MAP3K13: variants seen among roughly 807,000 people sequenced by gnomAD.
MAP3K13 encodes mitogen-activated protein kinase kinase kinase 13.
A neutral mutation model predicts 104.0 loss-of-function variants in MAP3K13; 52 were observed. That is an observed-to-expected ratio of 0.50 (90% CI 0.40 to 0.63). The LOEUF (loss-of-function observed/expected upper bound fraction) is 0.63, where lower values mean the gene tolerates loss of function less well. MAP3K13 is among the 20% of genes least tolerant of loss of function. The pLI is 0.00. For synonymous variants in MAP3K13, 394 were observed against 442.2 expected (o/e 0.89, Z 1.37); for missense variants, 914 against 1,218.5 (o/e 0.75, Z 3.72).
intron 2 of MAP3K13, among the ~76,000 whole-genome samples, chr3:185,313,781 A>G (rs1173671214): frequency 6.6e-6 from 1 of 151,752 alleles, no homozygotes; most frequent in African/African-American, 2.4e-5. Context: ...ATGATAGATT[A>G]GAATTGGGAA....
rs958156241 is a variant in MAP3K13 at position 185,482,296 on chromosome 3, T to C, written c.2800-59T>C. The C allele has an allele frequency of 4.8e-6, 6 of 1,244,256 alleles. No individual in the cohort carries two copies. The African/African-American group carries it at 5.9e-5, about 12-fold the overall frequency. 77.1% of individuals were successfully genotyped at this position (1,244,256 alleles called of 1,614,324 possible). On this transcript the variant is annotated intron_variant, in intron 13 of 13. Coordinates refer to ENST00000265026, the MANE Select transcript of MAP3K13 (RefSeq NM_004721.5). This position sits in a 1 kb window ranked among gnomAD's most constrained non-coding sequence, Gnocchi z 4.5. Reference sequence around the variant, plus strand: ...CAGTGCCTGTTGTGTGGGAGGTGTTTGACATATATTTACTGAGTGATTATC... The same window carrying C: ...CAGTGCCTGTTGTGTGGGAGGTGTTCGACATATATTTACTGAGTGATTATC...
intron 2 of MAP3K13, among the ~76,000 whole-genome samples, chr3:185,352,854 G>C (rs1723189527): frequency 1.3e-5 from 2 of 152,108 alleles, no homozygotes; most frequent in East Asian, 1.9e-4. Context: ...CAACCTAGTT[G>C]AACAGACTGG....
chr3:185,450,133 A>G lies in MAP3K13; in HGVS notation c.1169+75A>G. ...GAGTAAATATCCTGGTGGTGGAAAGAATAGGAGCTTTGGAGTAGGAGAATC... is the reference window on the plus strand; with the variant it reads ...GAGTAAATATCCTGGTGGTGGAAAGGATAGGAGCTTTGGAGTAGGAGAATC... On this transcript the variant is annotated intron_variant, in intron 6 of 13. Coordinates refer to ENST00000265026, the MANE Select transcript of MAP3K13 (RefSeq NM_004721.5). The surrounding 1 kb of genome is among the most constrained non-coding windows in gnomAD (Gnocchi z 4.2). 7.3e-7 allele frequency: 1 copy of G among 1,377,296 alleles called. No individual in the cohort carries two copies. The highest frequency in any genetic ancestry group is 9.7e-7 in the Non-Finnish European group (1 of 1,032,342). 85.3% of individuals were successfully genotyped at this position (1,377,296 alleles called of 1,614,324 possible). A position where few individuals can be genotyped will look rare whatever the true frequency, so the allele number is the denominator to read the frequency against.
chr3:185,432,401 G>A (rs201629148), intron 2 of MAP3K13, among the ~76,000 whole-genome samples: 499 of 136,846 alleles, frequency 3.6e-3, no homozygotes, highest in South Asian at 4.1e-3. Context: ...ATGTTGGCCA[G>A]GCTGGTCTTG....
intron 9 of MAP3K13, among the ~76,000 whole-genome samples, chr3:185,466,338 T>C (rs1336288513): frequency 2.0e-5 from 3 of 151,278 alleles, no homozygotes; most frequent in Non-Finnish European, 4.4e-5. Flanking sequence ...AAGAGCAGAA[T>C]GAAGTCAGGT....
chr3:185,402,883 G>A (rs542206877), intron 1 of MAP3K13, among the ~76,000 whole-genome samples: 1 of 152,278 alleles, frequency 6.6e-6, no homozygotes, highest in South Asian at 2.1e-4. Context: ...TGACTCAGCT[G>A]CTGTTCAATT....
intron 1 of MAP3K13, among the ~76,000 whole-genome samples, chr3:185,383,803 C>T (rs931591214): frequency 2.0e-4 from 30 of 152,076 alleles, no homozygotes; most frequent in Non-Finnish European, 2.5e-4. Flanking sequence ...AAGACATATA[C>T]CAATAGTTTT....
chr3:185,437,634 G>A lies in MAP3K13; in HGVS notation c.659+4G>A, dbSNP rs376899986. ...ACCCTAACATCATCGCATTCAAGTA[G>A]GTCAAGGCTTTTTTTTTTTAAGAAG... On this transcript the variant is annotated splice_donor_region_variant and intron_variant, in intron 3 of 13. Coordinates refer to ENST00000265026, the MANE Select transcript of MAP3K13 (RefSeq NM_004721.5). 6.8e-7 allele frequency: 1 copy of A among 1,478,114 alleles called. No individual in the cohort carries two copies. The highest frequency in any genetic ancestry group is 8.9e-7 in the Non-Finnish European group (1 of 1,120,142). The allele number at this position is 1,478,114 out of a possible 1,614,324, so 91.6% of individuals were successfully genotyped here.
chr3:185,334,603 C>CTTTTT (rs67702394), intron 2 of MAP3K13, among the ~76,000 whole-genome samples: 1 of 144,920 alleles, frequency 6.9e-6, no homozygotes, highest in Non-Finnish European at 1.5e-5. Flanking sequence ...AATGGATTTT[C>CTTTTT]TTTTTTTTTT....
intron 2 of MAP3K13, among the ~76,000 whole-genome samples, chr3:185,317,790 G>C (rs1280225694): frequency 1.3e-5 from 2 of 152,034 alleles, no homozygotes; most frequent in African/African-American, 4.8e-5. Flanking sequence ...TTTGTGTAAA[G>C]TTTATTGATT....
rs1239538653 is a variant in MAP3K13, at chr3:185,315,363, A to AT, written c.-86+29721dup. 6.6e-6 allele frequency among the ~76,000 whole-genome samples: 1 copy of AT among 152,220 alleles called. No homozygotes were observed. The highest frequency in any genetic ancestry group is 1.5e-5 in the Non-Finnish European group (1 of 68,030). On this transcript the variant is annotated intron_variant, in intron 2 of 14. Transcript: ENST00000424227. The surrounding 1 kb of genome is among the most constrained non-coding windows in gnomAD (Gnocchi z 4.3). ...ACTTAACAAAAAGGGGAGAGAATGT[A>AT]TGTGTGTATGTCTTAACAAAAACAG...
At position 185,455,716 on chromosome 3, in the gene MAP3K13, GAT is replaced by G. The variant is rs375658483; in HGVS notation, c.1278+4328_1278+4329del. ...TGATATATATATGAGATATATATGAGATATATATGATATATATATGAGATATA... is the reference window on the plus strand; with the variant it reads ...TGATATATATATGAGATATATATGAGATATATGATATATATATGAGATATA... On this transcript the variant is annotated intron_variant, in intron 7 of 13. Coordinates refer to ENST00000265026, the MANE Select transcript of MAP3K13 (RefSeq NM_004721.5). 1.5e-3 allele frequency among the ~76,000 whole-genome samples: 16 copies of G among 10,886 alleles called. 2 individuals are homozygous for G. Among genetic ancestry groups the G allele is most frequent in the South Asian group, 6.6e-3 (2 of 304 alleles). The allele number at this position is 10,886 out of a possible 152,430, so 7.1% of individuals were successfully genotyped here. A position where few individuals can be genotyped will look rare whatever the true frequency, so the allele number is the denominator to read the frequency against.
Position 185,462,500 on chromosome 3 carries a change from C to T in MAP3K13, c.1279-1050C>T, listed in dbSNP as rs144097214. On this transcript the variant is annotated intron_variant, in intron 7 of 13. Transcript: ENST00000265026. ...TTAAAAAACAAAACAGGGCCGGGTG[C>T]GGTGGCTCATGCCTGTAATCCCAGC... Among the ~76,000 whole-genome samples the T allele has an allele frequency of 8.2e-3, 1,249 of 152,184 alleles. 10 individuals carry two copies. Among genetic ancestry groups the T allele is most frequent in the Admixed American group, 0.018 (270 of 15,280 alleles).
chr3:185,341,239 C>T (rs571089600), intron 2 of MAP3K13, among the ~76,000 whole-genome samples: 3 of 152,110 alleles, frequency 2.0e-5, no homozygotes, highest in South Asian at 4.2e-4. Context: ...CAACTGGTAT[C>T]CTTATAAGAA....
intron 1 of MAP3K13, among the ~76,000 whole-genome samples, chr3:185,381,288 A>G (rs1724710892): frequency 6.6e-6 from 1 of 152,204 alleles, no homozygotes; most frequent in African/African-American, 2.4e-5. Context: ...TGCATAGAGT[A>G]TTGATCATAG....
chr3:185,378,419 AC>A (rs1724542713), intron 1 of MAP3K13, among the ~76,000 whole-genome samples: 1 of 152,192 alleles, frequency 6.6e-6, no homozygotes, highest in African/African-American at 2.4e-5. Context: ...AAGAGCACTA[AC>A]CTTGACTATG....
intron 2 of MAP3K13, among the ~76,000 whole-genome samples, chr3:185,313,051 G>A (rs1435874690): frequency 6.6e-6 from 1 of 151,850 alleles, no homozygotes; most frequent in Non-Finnish European, 1.5e-5. Context: ...TTAGCCAGGC[G>A]TGGTGGTGTG....
chr3:185,329,267 G>A, intron 2 of MAP3K13: 1 of 703,058 alleles, frequency 1.4e-6, no homozygotes, highest in Non-Finnish European at 2.6e-6. Flanking sequence ...TGTACCTAGT[G>A]CCGAGAGATT....
chr3:185,461,200 T>G (rs914032781), intron 7 of MAP3K13, among the ~76,000 whole-genome samples: 1 of 152,198 alleles, frequency 6.6e-6, no homozygotes, highest in African/African-American at 2.4e-5. Flanking sequence ...AGTAGTGTAT[T>G]CTGATGAGAT....
Sources: gnomAD v4.1 joint callset for allele counts (sites outside exome capture counted in the v4.1 genomes callset) on GRCh38, gnomAD v4.1.1 for gene constraint, Gnocchi (gnomAD v3.1) non-coding constraint, MANE v1.5 for transcripts, NCBI Gene and HGNC (gene_info 2026-07-23, HGNC 2026-07-21) for gene names.